The following NXPE2 variants were observed in gnomAD, a reference collection of about 807,000 sequenced individuals.
The protein encoded by NXPE2 is NXPE family member 2.
Under a neutral mutation model 34.4 loss-of-function variants are expected in NXPE2, and 34 were observed. That is an observed-to-expected ratio of 0.99 (90% CI 0.75 to 1.31). The LOEUF is 1.31. Among genes scored for constraint, NXPE2 ranks in the 40% most tolerant of loss-of-function variants. NXPE2 has a pLI of 0.00. For missense variants in NXPE2, 649 were observed against 672.5 expected (o/e 0.97, Z 0.39); for synonymous variants, 235 against 231.3 (o/e 1.02, Z -0.15).
the NXPE2 span, among the ~76,000 whole-genome samples, chr11:114,626,055 C>T: frequency 6.6e-6 from 1 of 152,180 alleles, no homozygotes; most frequent in Non-Finnish European, 1.5e-5. Flanking sequence ...ATTGCTAGCA[C>T]AGCAGTCTGA....
chr11:114,594,664 C>T, the NXPE2 span: 1 of 1,583,462 alleles, frequency 6.3e-7, no homozygotes, highest in Admixed American at 1.7e-5. Context: ...CATTTCCTAC[C>T]TTTGTGGAGT....
At chr11:114,611,005 A>T in the NXPE2 span, among the ~76,000 whole-genome samples, 1 of 144,294 alleles carries the variant, frequency 6.9e-6, no homozygotes, top group Non-Finnish European at 1.5e-5. Flanking sequence ...TGGATAATAA[A>T]TGTTGCCTCG....
chr11:114,580,125 G>A, the NXPE2 span: 4 of 1,606,388 alleles, frequency 2.5e-6, no homozygotes, highest in South Asian at 3.3e-5. Flanking sequence ...CTTAGACTGA[G>A]GCATACTGTT....
the NXPE2 span, among the ~76,000 whole-genome samples, chr11:114,479,419 G>C: frequency 6.6e-6 from 1 of 152,160 alleles, no homozygotes; most frequent in African/African-American, 2.4e-5. Flanking sequence ...AAGCATTTGA[G>C]AAATATTTAG....
the NXPE2 span, among the ~76,000 whole-genome samples, chr11:114,781,158 A>T: frequency 6.6e-6 from 1 of 152,188 alleles, no homozygotes; most frequent in Non-Finnish European, 1.5e-5. Context: ...GGCTAGGAAC[A>T]TGTAAACACA....
the NXPE2 span, among the ~76,000 whole-genome samples, chr11:114,631,757 G>C: frequency 6.6e-6 from 1 of 151,840 alleles, no homozygotes; most frequent in Admixed American, 6.6e-5. Context: ...CTGTCACCCG[G>C]TGGATAATAA....
chr11:114,745,867 C>A, the NXPE2 span, among the ~76,000 whole-genome samples: 2 of 151,634 alleles, frequency 1.3e-5, no homozygotes, highest in Admixed American at 6.6e-5. Context: ...TGTGTAGGGA[C>A]GATGGAACAG....
chr11:114,594,607 A>G, the NXPE2 span: 1 of 1,103,630 alleles, frequency 9.1e-7, no homozygotes, highest in East Asian at 2.4e-5. Flanking sequence ...CCTAGAACAG[A>G]TGAGGTAATA....
the NXPE2 span, among the ~76,000 whole-genome samples, chr11:114,468,709 C>T: frequency 6.6e-6 from 1 of 152,074 alleles, no homozygotes; most frequent in Non-Finnish European, 1.5e-5. Flanking sequence ...TATCAGTCCC[C>T]AAATACAGTG....
chr11:114,765,598 G>A, the NXPE2 span, among the ~76,000 whole-genome samples: 1 of 152,200 alleles, frequency 6.6e-6, no homozygotes, highest in African/African-American at 2.4e-5. Flanking sequence ...ATATCTCTGA[G>A]GTATACCTAC....
At chr11:114,790,823 T>C in the NXPE2 span, among the ~76,000 whole-genome samples, 1 of 152,052 alleles carries the variant, frequency 6.6e-6, no homozygotes, top group Non-Finnish European at 1.5e-5. Context: ...ACAGAACCCA[T>C]GCTGCTCCCT....
At chr11:114,599,319 C>G in the NXPE2 span, among the ~76,000 whole-genome samples, 409 of 152,232 alleles carry the variant, frequency 2.7e-3, 2 homozygotes, top group Admixed American at 4.6e-3. Flanking sequence ...CTTCATTGTC[C>G]ATATCACTAC....
the NXPE2 span, among the ~76,000 whole-genome samples, chr11:114,752,560 G>A: frequency 2.6e-5 from 4 of 152,074 alleles, no homozygotes; most frequent in Non-Finnish European, 4.4e-5. Flanking sequence ...CATGGTCCAG[G>A]GTGATAAAAG....
At chr11:114,773,207 C>T in the NXPE2 span, among the ~76,000 whole-genome samples, 17 of 151,772 alleles carry the variant, frequency 1.1e-4, no homozygotes, top group East Asian at 1.8e-3. Context: ...ATCCTAGGCT[C>T]CTTCAATGGA....
the NXPE2 span, among the ~76,000 whole-genome samples, chr11:114,747,700 C>T: frequency 9.9e-4 from 151 of 152,196 alleles, no homozygotes; most frequent in African/African-American, 3.5e-3. Context: ...GAGAACCATG[C>T]GGAGAAACCA....
the NXPE2 span, among the ~76,000 whole-genome samples, chr11:114,782,187 A>T: frequency 0.13 from 19,044 of 152,250 alleles, 1,256 homozygotes; most frequent in Admixed American, 0.19. Context: ...GACACATTTT[A>T]AAAAATATTT....
chr11:114,779,015 T>C, the NXPE2 span, among the ~76,000 whole-genome samples: 1 of 152,192 alleles, frequency 6.6e-6, no homozygotes, highest in African/African-American at 2.4e-5. Context: ...CTGTCCACAC[T>C]CACTGTCAGT....
chr11:114,798,065 G>A, the NXPE2 span, among the ~76,000 whole-genome samples: 1 of 152,038 alleles, frequency 6.6e-6, no homozygotes, highest in African/African-American at 2.4e-5. Flanking sequence ...ATTTCTTTAG[G>A]TCTTGCTTCT....
At chr11:114,481,787 G>C in the NXPE2 span, among the ~76,000 whole-genome samples, 2 of 152,048 alleles carry the variant, frequency 1.3e-5, no homozygotes, top group Admixed American at 6.6e-5. Flanking sequence ...CCCTTCTAAA[G>C]GGAACTGAGG....
Sources: allele counts gnomAD v4.1 joint callset (sites outside exome capture counted in the v4.1 genomes callset), GRCh38; gene constraint gnomAD v4.1.1; transcripts MANE v1.5; gene names NCBI Gene and HGNC (gene_info 2026-07-23, HGNC 2026-07-21).